Variants in IMMP2L observed in about 807,000 individuals in gnomAD.
The protein encoded by IMMP2L is mitochondrial inner membrane protease subunit 2.
Under a neutral mutation model 19.3 loss-of-function variants are expected in IMMP2L, and 18 were observed. The observed-to-expected ratio is 0.93, with a 90% CI of 0.64 to 1.38. The LOEUF (loss-of-function observed/expected upper bound fraction) is 1.38, where lower values mean the gene tolerates loss of function less well. Among genes scored for constraint, IMMP2L ranks in the 40% most tolerant of loss-of-function variants. The probability of loss-of-function intolerance (pLI) is 0.00; values close to 1 mark genes in which losing one functional copy is unlikely to be tolerated. For synonymous variants in IMMP2L, 76 were observed against 73.0 expected (o/e 1.04, Z -0.21); for missense variants, 233 against 218.2 (o/e 1.07, Z -0.43).
rs149533143 is a variant in IMMP2L, at chr7:111,544,475, T to C, written c.-3+17376A>G. Among the ~76,000 whole-genome samples, 28 of 152,200 alleles carry C rather than the reference T, an allele frequency of 1.8e-4. No individual in the cohort carries two copies. The East Asian group carries it at 4.2e-3, about 23-fold the overall frequency. The stretch of plus-strand genomic sequence containing the variant: ...TAATGCAAAGAGAGAAAGAGCAAAG[T>C]TACTGAATGAAGAGATAAAAGTGTA... On this transcript the variant is annotated intron_variant, in intron 1 of 5. Transcript: ENST00000405709.
chr7:111,153,318 T>C (rs1409064538), intron 3 of IMMP2L, among the ~76,000 whole-genome samples: 1 of 152,112 alleles, frequency 6.6e-6, no homozygotes, highest in Non-Finnish European at 1.5e-5. Flanking sequence ...TTGTTTTATA[T>C]ATTGAGACAT....
At chr7:110,889,826 G>A (rs1223941639) in intron 4 of IMMP2L, among the ~76,000 whole-genome samples, 1 of 152,190 alleles carries the variant, frequency 6.6e-6, no homozygotes, top group Non-Finnish European at 1.5e-5. Context: ...CAGTTACACA[G>A]CTGGGCAAGT....
At chr7:111,504,276 A>C (rs1844636835) in intron 2 of IMMP2L, among the ~76,000 whole-genome samples, 1 of 152,150 alleles carries the variant, frequency 6.6e-6, no homozygotes, top group South Asian at 2.1e-4. Flanking sequence ...GATGTGAAAG[A>C]CCTCTTCAAG....
At chr7:111,410,775 A>C (rs1207428763) in intron 3 of IMMP2L, among the ~76,000 whole-genome samples, 1 of 151,878 alleles carries the variant, frequency 6.6e-6, no homozygotes, top group Non-Finnish European at 1.5e-5. Flanking sequence ...TTTGATACGA[A>C]AATGTTGCAG....
chr7:111,135,431 C>T (rs1802239668), intron 3 of IMMP2L, among the ~76,000 whole-genome samples: 1 of 152,062 alleles, frequency 6.6e-6, no homozygotes, highest in Non-Finnish European at 1.5e-5. Flanking sequence ...TCCATTCCTC[C>T]AAAGTGAGCA....
At chr7:111,336,216 T>TA (rs1454967352) in intron 3 of IMMP2L, among the ~76,000 whole-genome samples, 1 of 150,810 alleles carries the variant, frequency 6.6e-6, no homozygotes, top group Non-Finnish European at 1.5e-5. Flanking sequence ...CGGCTATTTT[T>TA]TTTTTTTTTA....
intron 3 of IMMP2L, among the ~76,000 whole-genome samples, chr7:111,030,920 ATATAT>A (rs1563176492): frequency 1.4e-3 from 142 of 102,240 alleles, no homozygotes; most frequent in African/African-American, 4.3e-3. Context: ...ATATATATAT[ATATAT>A]AAAATATATA....
chr7:111,535,473 T>G (rs1200684889), intron 1 of IMMP2L, among the ~76,000 whole-genome samples: 1 of 152,166 alleles, frequency 6.6e-6, no homozygotes, highest in East Asian at 1.9e-4. Context: ...CACATTTTGA[T>G]TCTATATGAG....
intron 5 of IMMP2L, among the ~76,000 whole-genome samples, chr7:110,672,860 C>A (rs1010721549): frequency 5.9e-5 from 9 of 152,236 alleles, no homozygotes; most frequent in Admixed American, 4.6e-4. Flanking sequence ...ACCTCCCCTT[C>A]TGGCTGCTTT....
chr7:111,452,780 C>G (rs773679512), intron 3 of IMMP2L, among the ~76,000 whole-genome samples: 2 of 152,100 alleles, frequency 1.3e-5, no homozygotes, highest in Non-Finnish European at 2.9e-5. Flanking sequence ...CTATTTAATA[C>G]AGCAATCTAC....
intron 3 of IMMP2L, among the ~76,000 whole-genome samples, chr7:111,045,611 A>T (rs143114247): frequency 8.7e-4 from 132 of 152,338 alleles, no homozygotes; most frequent in African/African-American, 3.0e-3. Flanking sequence ...GAGGCAGGAG[A>T]ACAGTCAGTG....
chr7:111,254,261 G>C (rs1373203201), intron 3 of IMMP2L, among the ~76,000 whole-genome samples: 1 of 147,828 alleles, frequency 6.8e-6, no homozygotes, highest in East Asian at 1.9e-4. Context: ...TGTTCTTACT[G>C]ATTTCAAAGT....
rs1207257079 is a variant in IMMP2L, at chr7:111,213,843, T to C, written c.240-250278A>G. 3.9e-5 allele frequency among the ~76,000 whole-genome samples: 6 copies of C among 152,284 alleles called. No individual in the cohort carries two copies. Among genetic ancestry groups the C allele is most frequent in the Non-Finnish European group, 4.4e-5 (3 of 68,018 alleles). On this transcript the variant is annotated intron_variant, in intron 3 of 5. Transcript: ENST00000405709. This position sits in a 1 kb window ranked among gnomAD's most constrained non-coding sequence, Gnocchi z 4.8. ...TCCAACGTGGGTCTCCTCGGAGCTG[T>C]TCTGTTGCTCAATAAAGTTCCTCTT...
intron 2 of IMMP2L, chr7:111,492,389 G>T (rs1255673592): frequency 1.0e-6 from 1 of 984,054 alleles, no homozygotes. Flanking sequence ...GTCAGGTCCA[G>T]TTTCTAACCC....
intron 2 of IMMP2L, among the ~76,000 whole-genome samples, chr7:111,501,676 C>T (rs924301188): frequency 2.0e-5 from 3 of 152,134 alleles, no homozygotes; most frequent in African/African-American, 7.2e-5. Flanking sequence ...ATTCAACATT[C>T]TTAAAGAAAA....
intron 5 of IMMP2L, among the ~76,000 whole-genome samples, chr7:110,695,317 A>G (rs1466061326): frequency 6.6e-6 from 1 of 151,934 alleles, no homozygotes; most frequent in Admixed American, 6.6e-5. Context: ...TTAGCCTCCC[A>G]AGTGGCTGGG....
intron 3 of IMMP2L, among the ~76,000 whole-genome samples, chr7:111,398,986 A>G (rs1833161556): frequency 6.6e-6 from 1 of 152,108 alleles, no homozygotes; most frequent in Admixed American, 6.5e-5. Context: ...AGATGACACA[A>G]ACAAATAGAA....
At chr7:110,908,576 T>C (rs560234822) in intron 4 of IMMP2L, among the ~76,000 whole-genome samples, 2 of 152,300 alleles carry the variant, frequency 1.3e-5, no homozygotes, top group African/African-American at 4.8e-5. Flanking sequence ...CGTGAGAAAG[T>C]TACCATATCT....
At chr7:111,124,963 T>C (rs1055822242) in intron 3 of IMMP2L, 2 of 1,139,802 alleles carry the variant, frequency 1.8e-6, no homozygotes, top group African/African-American at 3.2e-5. Context: ...ACTGCAGTTG[T>C]GCTAAAAACA....
Sources: allele counts gnomAD v4.1 joint callset (sites outside exome capture counted in the v4.1 genomes callset), GRCh38; gene constraint gnomAD v4.1.1; non-coding constraint Gnocchi (gnomAD v3.1); transcripts MANE v1.5; gene names NCBI Gene and HGNC (gene_info 2026-07-23, HGNC 2026-07-21).